The following ANKS1B variants were observed in gnomAD, a reference collection of about 807,000 sequenced individuals.
The protein encoded by ANKS1B is ankyrin repeat and sterile alpha motif domain-containing protein 1B.
Under a neutral mutation model 148.3 loss-of-function variants are expected in ANKS1B, and 36 were observed. The ratio of observed to expected loss-of-function variants is 0.24; its 90% confidence interval spans 0.19 to 0.32. The LOEUF (loss-of-function observed/expected upper bound fraction) is 0.32. ANKS1B is among the 10% of genes least tolerant of loss of function. The pLI is 1.00. For missense variants in ANKS1B, 1,157 were observed against 1,542.6 expected (o/e 0.75, Z 4.19); for synonymous variants, 542 against 560.8 (o/e 0.97, Z 0.47).
chr12:99,232,421 G>A (rs757583586), intron 14 of ANKS1B, among the ~76,000 whole-genome samples: 25 of 152,156 alleles, frequency 1.6e-4, no homozygotes, highest in Non-Finnish European at 3.5e-4. Flanking sequence ...ATTAAAACTG[G>A]TTTAGAAATA....
intron 17 of ANKS1B, among the ~76,000 whole-genome samples, chr12:98,883,838 T>C (rs1185475293): frequency 1.3e-5 from 2 of 152,336 alleles, no homozygotes; most frequent in East Asian, 1.9e-4. Flanking sequence ...TTTGATATTG[T>C]TATTTTTTAT....
chr12:98,777,551 C>G lies in ANKS1B; in HGVS notation c.3441+3566G>C, dbSNP rs1040414425. ...CCGTTACTAAACAGTTGCAGTCCCC[C>G]AGGCCGAATTCCCTGCTAGAGCAAC... is the stretch of plus-strand genomic sequence containing the variant. On this transcript the variant is annotated intron_variant, in intron 24 of 26. Transcript: ENST00000683438. Among the ~76,000 whole-genome samples, 13 of 152,186 alleles carry G rather than the reference C, an allele frequency of 8.5e-5. 1 individual carries two copies. The highest frequency in any genetic ancestry group is 2.9e-4 in the African/African-American group (12 of 41,450).
intron 17 of ANKS1B, among the ~76,000 whole-genome samples, chr12:98,934,563 G>A (rs1307823419): frequency 6.6e-6 from 1 of 152,094 alleles, no homozygotes; most frequent in Non-Finnish European, 1.5e-5. Context: ...TGAGAAGTAT[G>A]AACATTTCAA....
At chr12:99,795,863 C>T (rs996598244) in intron 4 of ANKS1B, among the ~76,000 whole-genome samples, 23 of 152,074 alleles carry the variant, frequency 1.5e-4, no homozygotes, top group African/African-American at 5.1e-4. Flanking sequence ...ATAGCTGTAA[C>T]TTCTGTAGTT....
rs551848753 is a variant in ANKS1B at position 99,969,825 on chromosome 12, C to T, written c.134+14279G>A. 1.2e-4 allele frequency among the ~76,000 whole-genome samples: 18 copies of T among 152,244 alleles called. No homozygotes were observed. In the South Asian group the frequency reaches 3.1e-3, roughly 26 times the overall value. On this transcript the variant is annotated intron_variant, in intron 1 of 26. Coordinates refer to ENST00000683438, the MANE Select transcript of ANKS1B (RefSeq NM_001352186.2). ...GAAAGATATCTGGGATCAGAAACAC[C>T]TGAATTTGCTTCTTGAATCTGCATG...
chr12:98,871,731 T>C (rs1341084744), intron 17 of ANKS1B, among the ~76,000 whole-genome samples: 2 of 152,172 alleles, frequency 1.3e-5, no homozygotes, highest in Admixed American at 1.3e-4. Flanking sequence ...TTTATCTACA[T>C]CTAGATAATG....
chr12:98,974,371 G>A (rs2099888308), intron 17 of ANKS1B, among the ~76,000 whole-genome samples: 3 of 152,088 alleles, frequency 2.0e-5, no homozygotes, highest in South Asian at 2.1e-4. Context: ...CAAGTAATAC[G>A]AATATAACAG....
intron 17 of ANKS1B, chr12:98,895,218 C>T (rs1268542398): frequency 5.1e-6 from 5 of 985,392 alleles, no homozygotes; most frequent in Admixed American, 1.2e-4. Flanking sequence ...TGGGGGTTGC[C>T]GGCGCGCGGG....
intron 1 of ANKS1B, among the ~76,000 whole-genome samples, chr12:99,845,417 T>C (rs528035045): frequency 3.3e-5 from 5 of 152,308 alleles, no homozygotes; most frequent in Admixed American, 6.5e-5. Context: ...CCTAGTTTAC[T>C]GAGAGTTTGT....
At chr12:99,068,500 T>C (rs1222029929) in intron 16 of ANKS1B, among the ~76,000 whole-genome samples, 2 of 152,224 alleles carry the variant, frequency 1.3e-5, no homozygotes, top group Non-Finnish European at 2.9e-5. Flanking sequence ...CCAAATGTTG[T>C]TATATGGCAC....
chr12:99,194,423 TTTAA>T (rs1210027999), intron 14 of ANKS1B, among the ~76,000 whole-genome samples: 1 of 151,792 alleles, frequency 6.6e-6, no homozygotes, highest in Non-Finnish European at 1.5e-5. Flanking sequence ...AATATATATA[TTTAA>T]TTATTTTAAA....
intron 8 of ANKS1B, among the ~76,000 whole-genome samples, chr12:99,768,847 A>C (rs1252789553): frequency 6.6e-6 from 1 of 150,642 alleles, no homozygotes; most frequent in African/African-American, 2.4e-5. Context: ...AAAAAAAAAA[A>C]ACACATCAGG....
intron 1 of ANKS1B, among the ~76,000 whole-genome samples, chr12:99,889,505 C>T: frequency 6.6e-6 from 1 of 152,156 alleles, no homozygotes; most frequent in Admixed American, 6.6e-5. Flanking sequence ...GATTCCAAAT[C>T]AATCACCCAT....
At chr12:99,124,782 A>C (rs2153734585) in intron 15 of ANKS1B, among the ~76,000 whole-genome samples, 1 of 152,272 alleles carries the variant, frequency 6.6e-6, no homozygotes, top group Admixed American at 6.5e-5. Context: ...AGATGGAAAA[A>C]CCAAGAGATA....
At chr12:99,533,874 C>T (rs2097030669) in intron 9 of ANKS1B, among the ~76,000 whole-genome samples, 1 of 151,764 alleles carries the variant, frequency 6.6e-6, no homozygotes, top group Non-Finnish European at 1.5e-5. Flanking sequence ...AATTAATTAA[C>T]AAAAGAATGG....
intron 1 of ANKS1B, among the ~76,000 whole-genome samples, chr12:99,915,423 G>A (rs2094143774): frequency 6.6e-6 from 1 of 152,138 alleles, no homozygotes; most frequent in South Asian, 2.1e-4. Context: ...CTAGATAGAG[G>A]AGAGTGCTTT....
chr12:99,240,431 C>A (rs555036538), intron 14 of ANKS1B, among the ~76,000 whole-genome samples: 1 of 152,088 alleles, frequency 6.6e-6, no homozygotes, highest in Non-Finnish European at 1.5e-5. Context: ...TAGAGACCGA[C>A]AAAGAGACAT....
At chr12:99,890,950 T>G (rs12316003) in intron 1 of ANKS1B, among the ~76,000 whole-genome samples, 35,126 of 152,148 alleles carry the variant, frequency 0.23, 4,160 homozygotes, top group African/African-American at 0.25. Flanking sequence ...GATTTAAAAA[T>G]ACAGTGCCCA....
chr12:99,204,919 A>G (rs1402078439), intron 14 of ANKS1B, among the ~76,000 whole-genome samples: 1 of 152,098 alleles, frequency 6.6e-6, no homozygotes, highest in Non-Finnish European at 1.5e-5. Context: ...TCACACAGAG[A>G]GTGTTTAGAA....
Sources: gnomAD v4.1 joint callset for allele counts (sites outside exome capture counted in the v4.1 genomes callset) on GRCh38, gnomAD v4.1.1 for gene constraint, MANE v1.5 for transcripts, NCBI Gene and HGNC (gene_info 2026-07-23, HGNC 2026-07-21) for gene names.